DPP10: variants seen among roughly 807,000 people sequenced by gnomAD.
DPP10 encodes dipeptidyl peptidase like 10.
A neutral mutation model predicts 120.9 loss-of-function variants in DPP10; 33 were observed. The ratio of observed to expected loss-of-function variants is 0.27; its 90% CI spans 0.21 to 0.37. DPP10 has a LOEUF of 0.37. Ranked by LOEUF, DPP10 falls within the 10% of genes least tolerant of loss-of-function variation. The probability of loss-of-function intolerance (pLI) is 1.00; values close to 1 mark genes in which losing one functional copy is unlikely to be tolerated. For synonymous variants in DPP10, 337 were observed against 326.1 expected (o/e 1.03, Z -0.36); for missense variants, 816 against 942.8 (o/e 0.87, Z 1.76).
intron 19 of DPP10, among the ~76,000 whole-genome samples, chr2:115,800,394 A>T (rs1685064884): frequency 6.6e-6 from 1 of 152,026 alleles, no homozygotes; most frequent in Admixed American, 6.5e-5. Context: ...TTGCCTGTTC[A>T]CTCTGACAGT....
intron 5 of DPP10, among the ~76,000 whole-genome samples, chr2:115,559,544 T>G (rs2080434929): frequency 6.6e-6 from 1 of 152,130 alleles, no homozygotes; most frequent in Admixed American, 6.5e-5. Flanking sequence ...TTCTTGGTGC[T>G]TAGTTAATCT....
intron 1 of DPP10, among the ~76,000 whole-genome samples, chr2:114,611,692 T>C (rs1350307066): frequency 6.6e-6 from 1 of 152,240 alleles, no homozygotes; most frequent in African/African-American, 2.4e-5. Flanking sequence ...TTCCCTGTTA[T>C]TGGATATTTA....
intron 1 of DPP10, among the ~76,000 whole-genome samples, chr2:114,734,835 A>C (rs1175795439): frequency 6.6e-6 from 1 of 152,166 alleles, no homozygotes; most frequent in Non-Finnish European, 1.5e-5. Flanking sequence ...TGCCATAGAA[A>C]ACTACCACAG....
At chr2:115,532,140 C>A (rs1037467530) in intron 5 of DPP10, among the ~76,000 whole-genome samples, 1 of 151,928 alleles carries the variant, frequency 6.6e-6, no homozygotes, top group Non-Finnish European at 1.5e-5. Flanking sequence ...ACACCTATTT[C>A]AAAAAAATAT....
chr2:114,659,215 T>G (rs1697204070), intron 1 of DPP10, among the ~76,000 whole-genome samples: 1 of 152,188 alleles, frequency 6.6e-6, no homozygotes, highest in South Asian at 2.1e-4. Flanking sequence ...GAAAACGTAC[T>G]AATACAGACT....
At chr2:115,702,216 A>G (rs2091920327) in intron 7 of DPP10, among the ~76,000 whole-genome samples, 1 of 151,968 alleles carries the variant, frequency 6.6e-6, no homozygotes. Context: ...GTCGTGTTGA[A>G]GAAGTCCATC....
At chr2:115,361,984 G>A (rs1003031992) in intron 3 of DPP10, among the ~76,000 whole-genome samples, 7 of 119,512 alleles carry the variant, frequency 5.9e-5, no homozygotes, top group African/African-American at 2.0e-4. Flanking sequence ...GTATGTTTGT[G>A]TGTGTATGTT....
chr2:114,461,124 T>C (rs555937996), intron 1 of DPP10, among the ~76,000 whole-genome samples: 1 of 152,324 alleles, frequency 6.6e-6, no homozygotes, highest in African/African-American at 2.4e-5. Context: ...ACATGCCAGA[T>C]TGTAACATAA....
chr2:115,106,641 T>C (rs918936006), intron 1 of DPP10, among the ~76,000 whole-genome samples: 8 of 151,938 alleles, frequency 5.3e-5, no homozygotes, highest in Non-Finnish European at 8.8e-5. Flanking sequence ...ACATTTTTTT[T>C]TCTTGAGACA....
At chr2:115,082,380 C>T (rs562428428) in intron 1 of DPP10, among the ~76,000 whole-genome samples, 10 of 152,190 alleles carry the variant, frequency 6.6e-5, no homozygotes, top group South Asian at 2.1e-4. Flanking sequence ...AATAGCCAGT[C>T]GAGGCCATTT....
intron 1 of DPP10, among the ~76,000 whole-genome samples, chr2:114,723,595 A>G (rs1275221514): frequency 2.0e-5 from 3 of 152,172 alleles, no homozygotes; most frequent in African/African-American, 2.4e-5. Context: ...ATCTATTTTC[A>G]TGTTTGATAG....
chr2:114,770,902 T>C (rs557601397), intron 1 of DPP10, among the ~76,000 whole-genome samples: 1 of 152,302 alleles, frequency 6.6e-6, no homozygotes, highest in Non-Finnish European at 1.5e-5. Context: ...ATCTCCTTGA[T>C]ATCCTTCAGC....
intron 1 of DPP10, among the ~76,000 whole-genome samples, chr2:114,582,698 G>A (rs1417021372): frequency 6.6e-6 from 1 of 152,138 alleles, no homozygotes. Context: ...GTATGATGTA[G>A]AGCCTGTTTT....
chr2:115,648,785 G>C (rs1443708301), intron 5 of DPP10, among the ~76,000 whole-genome samples: 1 of 152,068 alleles, frequency 6.6e-6, no homozygotes, highest in Non-Finnish European at 1.5e-5. Context: ...GTTCAGATTA[G>C]TGGCGTGGAG....
At chr2:115,545,007 T>G (rs1364363466) in intron 5 of DPP10, among the ~76,000 whole-genome samples, 1 of 151,926 alleles carries the variant, frequency 6.6e-6, no homozygotes, top group African/African-American at 2.4e-5. Flanking sequence ...GAAATGACAG[T>G]GATTTTTATG....
intron 3 of DPP10, among the ~76,000 whole-genome samples, chr2:115,496,223 A>G (rs983868284): frequency 5.3e-5 from 8 of 152,118 alleles, no homozygotes; most frequent in African/African-American, 1.7e-4. Context: ...GGCAGATATT[A>G]GTTTCTTTTA....
intron 3 of DPP10, among the ~76,000 whole-genome samples, chr2:115,360,803 C>CA (rs2064714627): frequency 6.6e-6 from 1 of 152,144 alleles, no homozygotes; most frequent in African/African-American, 2.4e-5. Context: ...TTGACAGAGT[C>CA]AGAGAGGGTT....
chr2:115,440,494 C>T (rs1244300554), intron 3 of DPP10, among the ~76,000 whole-genome samples: 4 of 152,038 alleles, frequency 2.6e-5, no homozygotes, highest in African/African-American at 9.7e-5. Context: ...TTGTTGTACC[C>T]AAGCGAGTTA....
chr2:115,825,880 AGT>A (rs970434685), intron 21 of DPP10, among the ~76,000 whole-genome samples: 9 of 152,348 alleles, frequency 5.9e-5, no homozygotes, highest in African/African-American at 2.2e-4. Context: ...AAATAGAAAA[AGT>A]GTCCCAATGA....
Sources: gnomAD v4.1 joint callset for allele counts (sites outside exome capture counted in the v4.1 genomes callset) on GRCh38, gnomAD v4.1.1 for gene constraint, MANE v1.5 for transcripts, NCBI Gene and HGNC (gene_info 2026-07-23, HGNC 2026-07-21) for gene names.